NUP153: variants seen among roughly 807,000 people sequenced by gnomAD.
NUP153 encodes nuclear pore complex protein Nup153.
A neutral mutation model predicts 134.6 loss-of-function variants in NUP153; 27 were observed. The ratio of observed to expected loss-of-function variants is 0.20; its 90% CI spans 0.15 to 0.28. The LOEUF (loss-of-function observed/expected upper bound fraction) is 0.28, where lower values mean the gene tolerates loss of function less well. Among genes scored for constraint, NUP153 ranks in the 10% least tolerant of loss-of-function variants. NUP153 has a pLI of 1.00. For synonymous variants in NUP153, 640 were observed against 623.5 expected (o/e 1.03, Z -0.40); for missense variants, 1,821 against 1,731.3 (o/e 1.05, Z -0.92).
At chr6:17,688,257 T>A in intron 2 of NUP153, 139 bp downstream of exon 2, 1 of 621,582 alleles carries the variant, frequency 1.6e-6, no homozygotes, top group Admixed American at 3.1e-5. Flanking sequence ...AAAAAAGACA[T>A]CCAATTTGAA....
chr6:17,677,194 A>G (rs1768270832), intron 2 of NUP153, among the ~76,000 whole-genome samples: 1 of 152,192 alleles, frequency 6.6e-6, no homozygotes, highest in South Asian at 2.1e-4. Flanking sequence ...GGCTTAGGAA[A>G]CACCCTGGAC....
intron 20 of NUP153, among the ~76,000 whole-genome samples, chr6:17,620,732 T>A (rs574738181): frequency 5.3e-5 from 8 of 152,166 alleles, no homozygotes; most frequent in African/African-American, 1.9e-4. Context: ...TTAATGTATC[T>A]TGTGTTTGGC....
chr6:17,665,052 C>CAAAAA lies in NUP153; in HGVS notation c.1215+182_1215+186dup, dbSNP rs10527400. Among the ~76,000 whole-genome samples, 3 of 69,684 alleles carry CAAAAA rather than the reference C, an allele frequency of 4.3e-5. 1 individual carries two copies. The highest frequency in any genetic ancestry group is 7.8e-5 in the Non-Finnish European group (3 of 38,424). 45.7% of individuals were successfully genotyped at this position (69,684 alleles called of 152,430 possible). A position where few individuals can be genotyped will look rare whatever the true frequency, so the allele number is the denominator to read the frequency against. The stretch of plus-strand genomic sequence containing the variant: ...CTGGAGACAGAGTGAGACTCCGTCT[C>CAAAAA]AAAAAAAAAAAAATTTGATCAAGGT... On this transcript the variant is annotated intron_variant, in intron 9 of 21. Coordinates refer to ENST00000262077, the MANE Select transcript of NUP153 (RefSeq NM_005124.4).
intron 10 of NUP153, 98 bp downstream of exon 10, chr6:17,661,920 G>T: frequency 1.6e-6 from 2 of 1,280,882 alleles, no homozygotes; most frequent in Non-Finnish European, 2.2e-6. Context: ...TAAAGTTTCT[G>T]TTCTTTGATT....
Position 17,675,435 on chromosome 6 carries a change from A to C in NUP153, c.584-67T>G, listed in dbSNP as rs1288481943. 2.6e-6 allele frequency: 4 copies of C among 1,566,222 alleles called. No individual in the cohort carries two copies. The highest frequency in any genetic ancestry group is 1.9e-5 in the Admixed American group (1 of 51,486). ...AAGAGCCTAGATTTTTATAAATAGA[A>C]AATAAAAATTACAACCAAGTCAGAA... On this transcript the variant is annotated intron_variant, in intron 3 of 21. Transcript: ENST00000262077. This position sits in a 1 kb window ranked among gnomAD's most constrained non-coding sequence, Gnocchi z 4.4.
intron 5 of NUP153, among the ~76,000 whole-genome samples, chr6:17,673,531 C>T (rs879494685): frequency 2.0e-5 from 3 of 152,130 alleles, no homozygotes; most frequent in Non-Finnish European, 4.4e-5. Flanking sequence ...TTTGAACAGA[C>T]ACTTCACCAA....
At chr6:17,680,000 G>A (rs1768481889) in intron 2 of NUP153, among the ~76,000 whole-genome samples, 1 of 152,068 alleles carries the variant, frequency 6.6e-6, no homozygotes, top group African/African-American at 2.4e-5. Context: ...ACCCTACCCT[G>A]CAGGTGCTTT....
intron 9 of NUP153, among the ~76,000 whole-genome samples, chr6:17,664,378 T>A (rs572181200): frequency 6.6e-6 from 1 of 152,172 alleles, no homozygotes; most frequent in Non-Finnish European, 1.5e-5. Flanking sequence ...TTGTATGATA[T>A]GTGAATTATC....
At chr6:17,654,010 A>G (rs1340288710) in intron 11 of NUP153, among the ~76,000 whole-genome samples, 1 of 152,232 alleles carries the variant, frequency 6.6e-6, no homozygotes, top group Non-Finnish European at 1.5e-5. Context: ...CAAAAAATAA[A>G]AAAAGATGGA....
intron 1 of NUP153, among the ~76,000 whole-genome samples, chr6:17,702,541 T>C (rs1581791275): frequency 6.7e-6 from 1 of 149,242 alleles, no homozygotes; most frequent in South Asian, 2.1e-4. Flanking sequence ...CCGTTTGTGG[T>C]GGCGCATGCC....
At chr6:17,704,854 G>A (rs2150257044) in intron 1 of NUP153, among the ~76,000 whole-genome samples, 1 of 152,098 alleles carries the variant, frequency 6.6e-6, no homozygotes, top group South Asian at 2.1e-4. Context: ...CCGCCTCCCG[G>A]GTTCAAGCCA....
chr6:17,632,363 G>A (rs955584288), intron 17 of NUP153, among the ~76,000 whole-genome samples: 1 of 151,926 alleles, frequency 6.6e-6, no homozygotes, highest in African/African-American at 2.4e-5. Flanking sequence ...GTTCACCTAG[G>A]GGGCTAGCAG....
Position 17,637,543 on chromosome 6 carries a change from C to T in NUP153, c.2074G>A (p.Ala692Thr), listed in dbSNP as rs138050745. Residue 692 changes from alanine to threonine, a missense_variant, in exon 16 of 22, where the codon GCT becomes ACT. Physicochemically the swap from Ala to Thr is moderately conservative, Grantham distance 58 (BLOSUM62 0). Coordinates refer to ENST00000262077, the MANE Select transcript of NUP153 (RefSeq NM_005124.4). ...GGTGTTTCAATTCCAGTCTGTTTAGCAGTATCTCTGGGTGACAATTTTGCT... is the reference window on the plus strand; with the variant it reads ...GGTGTTTCAATTCCAGTCTGTTTAGTAGTATCTCTGGGTGACAATTTTGCT... ...QAAKLSPRDTAKQTGIETPNK... is the reference protein window; with the variant it reads ...QAAKLSPRDTTKQTGIETPNK... The T allele has an allele frequency of 9.3e-6, 15 of 1,614,068 alleles. No homozygotes were observed. The African/African-American group carries it at 1.7e-4, about 19-fold the overall frequency.
chr6:17,649,317 T>C lies in NUP153; in HGVS notation c.1396-17A>G. On this transcript the variant is annotated splice_polypyrimidine_tract_variant and intron_variant, in intron 11 of 21. Transcript: ENST00000262077. ...TTCCATTTCCTAAAACATAACATGT[T>C]GCATGATATATTTCATCTTTCACAT... 2 of 1,601,354 alleles carry C rather than the reference T, an allele frequency of 1.2e-6. No homozygotes were observed. Among genetic ancestry groups the C allele is most frequent in the Non-Finnish European group, 1.7e-6 (2 of 1,174,614 alleles).
At chr6:17,691,099 G>A (rs776232652) in intron 1 of NUP153, among the ~76,000 whole-genome samples, 10 of 152,078 alleles carry the variant, frequency 6.6e-5, no homozygotes, top group Non-Finnish European at 1.3e-4. Context: ...CTAAGATCAC[G>A]CCATTGCACT....
At chr6:17,648,941 T>G (rs1249463932) in intron 12 of NUP153, among the ~76,000 whole-genome samples, 1 of 152,226 alleles carries the variant, frequency 6.6e-6, no homozygotes, top group Non-Finnish European at 1.5e-5. Flanking sequence ...AAGAATATCC[T>G]TCTCTATGGT....
In NUP153 at chr6:17,616,149, C is replaced by A; in HGVS notation, c.4376G>T (p.Gly1459Val). The change falls in exon 22 of 22, where the codon GGA (glycine) becomes GTA (valine). Residue 1459 changes from glycine (G) to valine (V), a missense_variant. By Grantham distance (109) the Gly-to-Val change is moderately radical. Coordinates refer to ENST00000262077, the MANE Select transcript of NUP153 (RefSeq NM_005124.4). ...TATCTTGCGACCAGAGAATGAAGTT[C>A]CAGAAGAAGAGAACACATTTTTCCC... ...SNGKNVFSSS[G>V]TSFSGRKIKT... is the part of the protein sequence containing the mutation. The A allele has an allele frequency of 6.2e-7, 1 of 1,613,622 alleles. No homozygotes were observed. The highest frequency in any genetic ancestry group is 8.5e-7 in the Non-Finnish European group (1 of 1,179,798).
chr6:17,670,639 G>T (rs1469938717), intron 5 of NUP153, among the ~76,000 whole-genome samples: 1 of 152,118 alleles, frequency 6.6e-6, no homozygotes, highest in Admixed American at 6.5e-5. Flanking sequence ...GTTGCCAGAT[G>T]ATTTTTTTGT....
Position 17,624,793 on chromosome 6 carries a change from A to G in NUP153, c.3942T>C (p.Ser1314=). The G allele has an allele frequency of 6.2e-7, 1 of 1,613,948 alleles. No individual in the cohort carries two copies. The highest frequency in any genetic ancestry group is 1.1e-5 in the South Asian group (1 of 91,048). ...GGTTAGCACCAAATGCTGGACTGGC[A>G]GATGGTGCTGAGGGTCCAGTTCCAA... ...FVFGTGPSAP[S]ASPAFGANQT... Residue 1314 remains serine, a synonymous_variant, in exon 20 of 22, where the codon TCT becomes TCC. Coordinates refer to ENST00000262077, the MANE Select transcript of NUP153 (RefSeq NM_005124.4).
Sources: allele counts gnomAD v4.1 joint callset (sites outside exome capture counted in the v4.1 genomes callset), GRCh38; gene constraint gnomAD v4.1.1; non-coding constraint Gnocchi (gnomAD v3.1); transcripts MANE v1.5; gene names NCBI Gene and HGNC (gene_info 2026-07-23, HGNC 2026-07-21).